Variants in ZNF488 observed in about 807,000 individuals in gnomAD.
ZNF488 encodes the protein zinc finger protein 488.
ZNF488 carries 1 observed loss-of-function variant against 1.2 expected under a neutral mutation model. That is an observed-to-expected ratio of 0.86 (90% confidence interval 0.30 to 4.07). The LOEUF (loss-of-function observed/expected upper bound fraction) is 4.07, where lower values mean the gene tolerates loss of function less well. Ranked by LOEUF, ZNF488 falls within the 30% of genes most tolerant of loss-of-function variation. The pLI, the probability that ZNF488 is intolerant of heterozygous loss-of-function variation, is 0.18. For missense variants in ZNF488, 450 were observed against 437.9 expected (o/e 1.03, Z -0.25); for synonymous variants, 185 against 190.1 (o/e 0.97, Z 0.22).
chr10:47,377,155 CAGGTT>C (rs1837709498), intron 1 of ZNF488, among the ~76,000 whole-genome samples: 1 of 152,156 alleles, frequency 6.6e-6, no homozygotes, highest in Admixed American at 6.5e-5. Flanking sequence ...CCCTTTGCCC[CAGGTT>C]TTTAAACCAG....
chr10:47,373,941 T>C (rs191856273), intron 1 of ZNF488, among the ~76,000 whole-genome samples: 2 of 152,218 alleles, frequency 1.3e-5, no homozygotes, highest in Non-Finnish European at 2.9e-5. Flanking sequence ...CACTGTTTTA[T>C]TCCCATGCCT....
chr10:47,368,498 C>G lies in ZNF488; in HGVS notation c.332G>C (p.Arg111Pro), dbSNP rs140559573. 1.9e-6 allele frequency: 3 copies of G among 1,613,854 alleles called. No individual in the cohort carries two copies. The highest frequency in any genetic ancestry group is 4.5e-5 in the East Asian group (2 of 44,874). The change falls in exon 2 of 2, where the codon CGG becomes CCG. Residue 111 changes from arginine (R) to proline (P), a missense_variant. Arg to Pro is a moderately radical substitution (Grantham distance 103). Coordinates refer to ENST00000585316, the MANE Select transcript of ZNF488 (RefSeq NM_153034.4). ...AFTELPRMKDRQVDAQAQERE... is the reference protein window; with the variant it reads ...AFTELPRMKDPQVDAQAQERE... ...CTCCTGGGCCTGAGCATCCACCTGC[C>G]GGTCCTTCATCCTCGGCAGCTCCGT...
chr10:47,379,763 C>T (rs1225460516), intron 1 of ZNF488, among the ~76,000 whole-genome samples: 1 of 152,258 alleles, frequency 6.6e-6, no homozygotes, highest in African/African-American at 2.4e-5. Flanking sequence ...GGGCCAACAT[C>T]AGATTTGAGT....
At chr10:47,374,793 C>T (rs921558457) in intron 1 of ZNF488, among the ~76,000 whole-genome samples, 1 of 152,198 alleles carries the variant, frequency 6.6e-6, no homozygotes, top group Non-Finnish European at 1.5e-5. Flanking sequence ...TGACAGATAT[C>T]ACCTGCATGC....
intron 1 of ZNF488, among the ~76,000 whole-genome samples, chr10:47,378,022 T>A (rs1351376952): frequency 1.3e-5 from 2 of 152,070 alleles, no homozygotes; most frequent in African/African-American, 4.8e-5. Flanking sequence ...TGGGTCTGGC[T>A]GTGCCTGGCC....
chr10:47,383,141 A>G (rs988296783), intron 1 of ZNF488, among the ~76,000 whole-genome samples: 1 of 152,224 alleles, frequency 6.6e-6, no homozygotes, highest in Non-Finnish European at 1.5e-5. Flanking sequence ...TTATGCATCT[A>G]CGACAATCTT....
chr10:47,368,918 A>G lies in ZNF488; in HGVS notation c.-89T>C. 1 of 1,471,324 alleles carries G rather than the reference A, an allele frequency of 6.8e-7. No individual in the cohort carries two copies. The highest frequency in any genetic ancestry group is 9.1e-7 in the Non-Finnish European group (1 of 1,097,912). 91.1% of individuals were successfully genotyped at this position (1,471,324 alleles called of 1,614,324 possible). On this transcript the variant is annotated 5_prime_UTR_variant, in exon 2 of 2. Transcript: ENST00000585316. ...GAAGCTCCCCATGACACTGGGCTGG[A>G]CACACTCGGCCACAGGGCCCTGCAG...
intron 1 of ZNF488, among the ~76,000 whole-genome samples, chr10:47,381,225 C>T (rs73295047): frequency 0.032 from 4,808 of 151,868 alleles, 6 homozygotes; most frequent in African/African-American, 0.11. Context: ...TCAGAGACAC[C>T]ATGTACCCCC....
chr10:47,382,862 C>T (rs1189459469), intron 1 of ZNF488, among the ~76,000 whole-genome samples: 2 of 152,186 alleles, frequency 1.3e-5, no homozygotes, highest in Non-Finnish European at 2.9e-5. Context: ...ATCATGTTAA[C>T]TTATTTCCAA....
intron 1 of ZNF488, among the ~76,000 whole-genome samples, chr10:47,377,597 ATC>A (rs1218541734): frequency 2.5e-5 from 3 of 118,498 alleles, no homozygotes; most frequent in Middle Eastern, 4.2e-3. Flanking sequence ...GGCAATAACA[ATC>A]TCACACACAC....
At chr10:47,381,021 T>C (rs3935464) in intron 1 of ZNF488, among the ~76,000 whole-genome samples, 7,218 of 85,676 alleles carry the variant, frequency 0.084, no homozygotes, top group African/African-American at 0.1. Context: ...CAGGGACCAG[T>C]GCATAACAGT....
Position 47,367,691 on chromosome 10 carries a change from T to G in ZNF488, c.*116A>C, listed in dbSNP as rs1429960749. On this transcript the variant is annotated 3_prime_UTR_variant, in exon 2 of 2. Coordinates refer to ENST00000585316, the MANE Select transcript of ZNF488 (RefSeq NM_153034.4). ...TATGCCTGAGCTGTTTATCTATGAA[T>G]GCCAAAAGCAGCAGCTCTGCAAAGG... 8 of 1,200,968 alleles carry G rather than the reference T, an allele frequency of 6.7e-6. No homozygotes were observed. Among genetic ancestry groups the G allele is most frequent in the Non-Finnish European group, 9.3e-6 (8 of 856,568 alleles). 74.4% of individuals were successfully genotyped at this position (1,200,968 alleles called of 1,614,324 possible).
chr10:47,381,535 T>C (rs782351798), intron 1 of ZNF488, among the ~76,000 whole-genome samples: 4 of 152,296 alleles, frequency 2.6e-5, no homozygotes, highest in Non-Finnish European at 4.4e-5. Context: ...AGAGGCTGGC[T>C]GGTGGCACTG....
chr10:47,378,048 A>T (rs2132303193), intron 1 of ZNF488, among the ~76,000 whole-genome samples: 1 of 151,610 alleles, frequency 6.6e-6, no homozygotes, highest in East Asian at 2.0e-4. Context: ...CCCCACACTA[A>T]GGGGCTGCCA....
rs782411765 is a variant in ZNF488 at position 47,367,936 on chromosome 10, G to A, written c.894C>T (p.His298=). 3.1e-6 allele frequency: 5 copies of A among 1,614,034 alleles called. No homozygotes were observed. The African/African-American group carries it at 4.0e-5, about 13-fold the overall frequency. The change falls in exon 2 of 2, where the codon CAC becomes CAT. Residue 298 remains histidine, a synonymous_variant. Transcript: ENST00000585316. ...SDLVFHMRSH[H]KKEHAGPDPH... ...GGTCAGGCCCCGCATGCTCCTTTTT[G>A]TGGTGGGATCGCATGTGAAAGACCA... is the stretch of plus-strand genomic sequence containing the variant.
intron 1 of ZNF488, among the ~76,000 whole-genome samples, chr10:47,370,064 G>C (rs1349785836): frequency 6.6e-6 from 1 of 152,226 alleles, no homozygotes; most frequent in African/African-American, 2.4e-5. Context: ...GTGGAGACCT[G>C]CTCCTGCACA....
intron 1 of ZNF488, among the ~76,000 whole-genome samples, chr10:47,371,851 G>A (rs1837481158): frequency 6.6e-6 from 1 of 152,120 alleles, no homozygotes; most frequent in Non-Finnish European, 1.5e-5. Context: ...TCTGGCTGGA[G>A]TTTCCTGGGA....
chr10:47,376,440 G>C (rs546156343), intron 1 of ZNF488, among the ~76,000 whole-genome samples: 6 of 152,290 alleles, frequency 3.9e-5, no homozygotes, highest in Non-Finnish European at 8.8e-5. Context: ...AGCCAGGTCA[G>C]ACCCAATTGT....
At chr10:47,377,670 A>AACACACAC (rs1837735812) in intron 1 of ZNF488, among the ~76,000 whole-genome samples, 3 of 25,236 alleles carry the variant, frequency 1.2e-4, no homozygotes, top group Non-Finnish European at 1.9e-4. Context: ...AGCAATAACA[A>AACACACAC]TCACACACAC....
Sources: allele counts gnomAD v4.1 joint callset (sites outside exome capture counted in the v4.1 genomes callset), GRCh38; gene constraint gnomAD v4.1.1; transcripts MANE v1.5; gene names NCBI Gene and HGNC (gene_info 2026-07-23, HGNC 2026-07-21).